B4GALT1: variants seen among roughly 807,000 people sequenced by gnomAD.
The protein encoded by B4GALT1 is N-acetyllactosamine synthase.
Under a neutral mutation model 34.9 loss-of-function variants are expected in B4GALT1, and 16 were observed. The observed-to-expected ratio is 0.46, with a 90% CI of 0.31 to 0.70. B4GALT1 has a LOEUF of 0.70. B4GALT1 is among the 30% of genes least tolerant of loss of function. The probability of loss-of-function intolerance (pLI) is 0.05; values close to 1 mark genes in which losing one functional copy is unlikely to be tolerated. For synonymous variants in B4GALT1, 221 were observed against 218.1 expected (o/e 1.01, Z -0.12); for missense variants, 445 against 530.5 (o/e 0.84, Z 1.58).
At chr9:33,158,001 A>G (rs1169606151) in intron 1 of B4GALT1, among the ~76,000 whole-genome samples, 1 of 152,196 alleles carries the variant, frequency 6.6e-6, no homozygotes, top group Non-Finnish European at 1.5e-5. Flanking sequence ...CGGGTCATCC[A>G]CCTGCTAAAA....
chr9:33,120,526 G>A lies in B4GALT1; in HGVS notation c.729C>T (p.Cys243=). 2.5e-6 allele frequency: 4 copies of A among 1,614,192 alleles called. No individual in the cohort carries two copies. The highest frequency in any genetic ancestry group is 3.4e-6 in the Non-Finnish European group (4 of 1,180,034). ...QEALKDYDYT[C]FVFSDVDLIP... ...TGAGGTCCACGTCACTAAACACAAA[G>A]CAGGTGTAGTCATAGTCCTTCAAGG... is the stretch of plus-strand genomic sequence containing the variant. The change falls in exon 3 of 6, where the codon TGC becomes TGT. Residue 243 remains cysteine (C), a synonymous_variant. Coordinates refer to ENST00000379731, the MANE Select transcript of B4GALT1 (RefSeq NM_001497.4).
intron 1 of B4GALT1, among the ~76,000 whole-genome samples, chr9:33,165,124 G>T (rs1840730610): frequency 6.6e-6 from 1 of 151,692 alleles, no homozygotes; most frequent in African/African-American, 2.4e-5. Context: ...ACCACCCCTG[G>T]CTAACTTTTT....
downstream of B4GALT1, among the ~76,000 whole-genome samples, chr9:33,107,490 G>A (rs913395908): frequency 2.0e-5 from 3 of 152,016 alleles, no homozygotes; most frequent in Non-Finnish European, 2.9e-5. Flanking sequence ...CCAGGGAGGC[G>A]CCACTCATTC....
chr9:33,164,968 GTAT>G lies in B4GALT1; in HGVS notation c.412+1787_412+1789del, dbSNP rs1480006653. ...TTATTATACGGTGTATTGAGTGCCC[GTAT>G]TTTTTTTTTTTTTTTTTTTTTTAGA... On this transcript the variant is annotated intron_variant, in intron 1 of 5. Transcript: ENST00000379731. 6.7e-5 allele frequency among the ~76,000 whole-genome samples: 7 copies of G among 105,250 alleles called. No homozygotes were observed. The East Asian group carries it at 1.3e-3, about 19-fold the overall frequency. The allele number at this position is 105,250 out of a possible 152,430, so 69.0% of individuals were successfully genotyped here.
rs758909733 is a variant in B4GALT1, at chr9:33,113,911, G to C, written c.960-33C>G. ...GAGTAAAGGGAAAGTCATTATCACA[G>C]AGCTGCCATACACTTGGCCTGAGAG... On this transcript the variant is annotated intron_variant, in intron 4 of 5. Transcript: ENST00000379731. The C allele has an allele frequency of 1.9e-5, 31 of 1,602,162 alleles. No individual in the cohort carries two copies. The South Asian group carries it at 3.2e-4, about 17-fold the overall frequency.
At chr9:33,183,673 C>A in the B4GALT1 span, among the ~76,000 whole-genome samples, 1 of 145,126 alleles carries the variant, frequency 6.9e-6, no homozygotes, top group Non-Finnish European at 1.5e-5. Context: ...GGGAGATATA[C>A]CCAATGCTAG....
intron 2 of B4GALT1, among the ~76,000 whole-genome samples, chr9:33,123,277 C>CTACAAAAATTAA (rs1840048368): frequency 1.2e-5 from 1 of 85,708 alleles, no homozygotes; most frequent in African/African-American, 5.1e-5. Flanking sequence ...GACACTGTCT[C>CTACAAAAATTAA]AAAAAAAAAA....
upstream of B4GALT1, among the ~76,000 whole-genome samples, chr9:33,169,442 T>C (rs1049831674): frequency 6.6e-6 from 1 of 152,178 alleles, no homozygotes; most frequent in Non-Finnish European, 1.5e-5. Context: ...CTCTTAAATG[T>C]CACCTTATGA....
chr9:33,158,353 G>GCAGCTCTCTT (rs1431800110), intron 1 of B4GALT1, among the ~76,000 whole-genome samples: 2 of 152,156 alleles, frequency 1.3e-5, no homozygotes, highest in Non-Finnish European at 2.9e-5. Flanking sequence ...ATCCCTCTCT[G>GCAGCTCTCTT]CAGCTCTCTT....
At chr9:33,141,377 C>A (rs1021694817) in intron 1 of B4GALT1, among the ~76,000 whole-genome samples, 5 of 151,932 alleles carry the variant, frequency 3.3e-5, no homozygotes, top group African/African-American at 1.2e-4. Context: ...CAAAAATTAA[C>A]CGGGTGTGGT....
At chr9:33,114,620 C>T (rs1839913451) in intron 4 of B4GALT1, among the ~76,000 whole-genome samples, 1 of 152,124 alleles carries the variant, frequency 6.6e-6, no homozygotes, top group Admixed American at 6.5e-5. Context: ...AAATGGAGGG[C>T]TGAGAACAAG....
intron 3 of B4GALT1, among the ~76,000 whole-genome samples, chr9:33,118,627 G>A (rs1308349790): frequency 2.6e-5 from 4 of 151,564 alleles, no homozygotes; most frequent in East Asian, 1.9e-4. Flanking sequence ...CCATGATCAC[G>A]CCACTGCACT....
intron 2 of B4GALT1, among the ~76,000 whole-genome samples, chr9:33,125,891 T>C (rs1840085233): frequency 6.6e-6 from 1 of 152,010 alleles, no homozygotes; most frequent in African/African-American, 2.4e-5. Context: ...AGCAGACACA[T>C]CCCTTATCCA....
intron 1 of B4GALT1, among the ~76,000 whole-genome samples, chr9:33,152,006 G>A (rs965081104): frequency 6.6e-6 from 1 of 152,174 alleles, no homozygotes; most frequent in African/African-American, 2.4e-5. Flanking sequence ...GGAAAACATA[G>A]ATTTAAACAC....
chr9:33,160,275 A>G (rs1840655409), intron 1 of B4GALT1, among the ~76,000 whole-genome samples: 1 of 152,198 alleles, frequency 6.6e-6, no homozygotes, highest in Non-Finnish European at 1.5e-5. Flanking sequence ...AACAAAAACT[A>G]TATATGTATA....
intron 1 of B4GALT1, among the ~76,000 whole-genome samples, chr9:33,141,637 T>C (rs1295295030): frequency 6.6e-6 from 1 of 152,144 alleles, no homozygotes; most frequent in African/African-American, 2.4e-5. Context: ...GGGAATCAAC[T>C]AGGGGACAGG....
At chr9:33,133,387 C>T (rs192372094) in intron 2 of B4GALT1, among the ~76,000 whole-genome samples, 48 of 152,284 alleles carry the variant, frequency 3.2e-4, no homozygotes, top group Non-Finnish European at 1.0e-4. Flanking sequence ...GCAGCTGGCA[C>T]GGCTTATTAG....
intron 2 of B4GALT1, among the ~76,000 whole-genome samples, chr9:33,128,778 G>A (rs890096379): frequency 1.3e-5 from 2 of 152,122 alleles, no homozygotes; most frequent in African/African-American, 2.4e-5. Context: ...AACCAATGAG[G>A]CCATAAGCCC....
intron 1 of B4GALT1, among the ~76,000 whole-genome samples, chr9:33,157,120 C>CCACACACACACACA (rs1554688656): frequency 3.2e-5 from 1 of 30,944 alleles, no homozygotes; most frequent in African/African-American, 1.3e-4. Context: ...GCATAGGGAA[C>CCACACACACACACA]TACACACACA....
Sources: gnomAD v4.1 joint callset for allele counts (sites outside exome capture counted in the v4.1 genomes callset) on GRCh38, gnomAD v4.1.1 for gene constraint, MANE v1.5 for transcripts, NCBI Gene and HGNC (gene_info 2026-07-23, HGNC 2026-07-21) for gene names.